The following RHOF variants were observed in gnomAD, a reference collection of about 807,000 sequenced individuals.
RHOF encodes rho-related GTP-binding protein RhoF.
In RHOF, 21 loss-of-function variants were observed where a neutral mutation model predicts 22.2. That is an observed-to-expected ratio of 0.95 (90% CI 0.67 to 1.36). The LOEUF is 1.36. RHOF is among the 40% of genes most tolerant of loss of function. RHOF has a pLI of 0.00. For synonymous variants in RHOF, 135 were observed against 131.2 expected (o/e 1.03, Z -0.20); for missense variants, 285 against 293.7 (o/e 0.97, Z 0.22).
chr12:121,785,642 ACT>A (rs1874588240), intron 2 of RHOF, among the ~76,000 whole-genome samples: 1 of 137,508 alleles, frequency 7.3e-6, no homozygotes, highest in Non-Finnish European at 1.6e-5. Context: ...ACGGAGTCTC[ACT>A]CTGTCACCCA....
intron 2 of RHOF, among the ~76,000 whole-genome samples, chr12:121,785,161 A>T (rs1049027897): frequency 6.6e-6 from 1 of 152,102 alleles, no homozygotes; most frequent in African/African-American, 2.4e-5. Context: ...CTACTGACTG[A>T]CTCACAGGCA....
intron 2 of RHOF, among the ~76,000 whole-genome samples, chr12:121,786,073 G>A (rs992195267): frequency 1.3e-5 from 2 of 149,232 alleles, no homozygotes; most frequent in Admixed American, 6.8e-5. Context: ...CCACCACCAC[G>A]CCCGGCTAAT....
chr12:121,782,721 C>G (rs1201034020), intron 2 of RHOF: 2 of 152,336 alleles, frequency 1.3e-5, no homozygotes, highest in Non-Finnish European at 2.9e-5. Flanking sequence ...CTTCAGCCAG[C>G]TCCCCCATGG....
intron 2 of RHOF, among the ~76,000 whole-genome samples, chr12:121,788,118 C>G (rs1874660057): frequency 6.6e-6 from 1 of 152,260 alleles, no homozygotes; most frequent in African/African-American, 2.4e-5. Context: ...CCCAAAAGCC[C>G]TACAAGGTAG....
chr12:121,786,992 C>A (rs954775745), intron 2 of RHOF, among the ~76,000 whole-genome samples: 1 of 152,100 alleles, frequency 6.6e-6, no homozygotes, highest in African/African-American at 2.4e-5. Context: ...GAGCTGAGAT[C>A]GTGCCATTTC....
intron 4 of RHOF, chr12:121,779,882 C>G (rs1044313377): frequency 9.1e-6 from 5 of 550,986 alleles, no homozygotes; most frequent in Non-Finnish European, 1.6e-5. Context: ...TCCAGGCCCC[C>G]ACCCTGGCCT....
intron 2 of RHOF, among the ~76,000 whole-genome samples, chr12:121,784,929 A>G (rs568915838): frequency 6.6e-6 from 1 of 152,222 alleles, no homozygotes; most frequent in Non-Finnish European, 1.5e-5. Flanking sequence ...GTTTGAAACC[A>G]CAGTCTAGAA....
chr12:121,790,660 C>T (rs1362864364), intron 2 of RHOF, among the ~76,000 whole-genome samples: 1 of 152,192 alleles, frequency 6.6e-6, no homozygotes, highest in Non-Finnish European at 1.5e-5. Flanking sequence ...ATCTCTTCTC[C>T]CTGGGTGCCC....
intron 2 of RHOF, among the ~76,000 whole-genome samples, chr12:121,787,909 AGGGG>A (rs60048337): frequency 2.0e-5 from 1 of 48,846 alleles, no homozygotes; most frequent in African/African-American, 9.6e-5. Context: ...AAAAAAAAAA[AGGGG>A]GGGGGGGCGG....
intron 1 of RHOF, 77 bp from the exon 2 acceptor site, chr12:121,793,316 C>T (rs1428095279): frequency 3.4e-6 from 5 of 1,459,144 alleles, no homozygotes; most frequent in Non-Finnish European, 4.7e-6. Flanking sequence ...ACTGTCCACC[C>T]CCCTCACTCG....
In RHOF at chr12:121,779,584, C is replaced by T. The variant is rs750750537; in HGVS notation, c.550G>A (p.Val184Ile). Reference sequence around the variant, plus strand: ...GCCACCTTGGCGGCCTCCCGGAAGACGTCCTCCACATTCTCCCGAAACTTG... The same window carrying T: ...GCCACCTTGGCGGCCTCCCGGAAGATGTCCTCCACATTCTCCCGAAACTTG... ...SAKFRENVEDVFREAAKVALS... is the reference protein window; with the variant it reads ...SAKFRENVEDIFREAAKVALS... Residue 184 changes from valine (V) to isoleucine (I), a missense_variant, in exon 5 of 5, where the codon GTC (valine) becomes ATC (isoleucine). Val to Ile is a conservative substitution (Grantham distance 29). Transcript: ENST00000267205. The T allele has an allele frequency of 5.0e-6, 8 of 1,614,102 alleles. No individual in the cohort carries two copies. The Admixed American group carries it at 5.0e-5, about 10-fold the overall frequency.
Position 121,778,066 on chromosome 12 carries a change from T to TC in RHOF, c.*1431dup, listed in dbSNP as rs1409547718. The TC allele has an allele frequency of 6.6e-6, 1 of 152,060 alleles. No homozygotes were observed. Among genetic ancestry groups the TC allele is most frequent in the Non-Finnish European group, 1.5e-5 (1 of 68,020 alleles). The allele number at this position is 152,060 out of a possible 1,614,324, so 9.4% of individuals were successfully genotyped here. A position where few individuals can be genotyped will look rare whatever the true frequency, so the allele number is the denominator to read the frequency against. ...GGCTAGGAGTTGCCTGAAGCCATTA[T>TC]CCCATCTTAGGCGACACCGACTCCT... On this transcript the variant is annotated 3_prime_UTR_variant, in exon 5 of 5. Transcript: ENST00000267205.
At chr12:121,781,335 C>G in intron 2 of RHOF, 143 bp from the exon 3 acceptor site, 1 of 690,854 alleles carries the variant, frequency 1.4e-6, no homozygotes, top group East Asian at 2.7e-5. Flanking sequence ...GCCAGGAGTG[C>G]TGGCACAGGC....
chr12:121,781,081 A>G lies in RHOF; in HGVS notation c.336+2T>C. 6.2e-7 allele frequency: 1 copy of G among 1,614,182 alleles called. No homozygotes were observed. The highest frequency in any genetic ancestry group is 8.5e-7 in the Non-Finnish European group (1 of 1,180,012). On this transcript the variant is annotated splice_donor_variant, in intron 3 of 4. Coordinates refer to ENST00000267205, the MANE Select transcript of RHOF (RefSeq NM_019034.3). LOFTEE classifies it high-confidence loss of function. Reference sequence around the variant, plus strand: ...GGCCACCACCCAGGAGGCCGGCCTCACCTTGATGAGGACGTTGTCGTAGCT... The same window carrying G: ...GGCCACCACCCAGGAGGCCGGCCTCGCCTTGATGAGGACGTTGTCGTAGCT...
chr12:121,790,788 T>C (rs1168669), intron 2 of RHOF, among the ~76,000 whole-genome samples: 119,217 of 152,174 alleles, frequency 0.78, 47,300 homozygotes, highest in East Asian at 0.98. Flanking sequence ...GGTCTGGGGG[T>C]CAGCTTGGGG....
intron 2 of RHOF, among the ~76,000 whole-genome samples, chr12:121,788,401 A>G (rs898735483): frequency 1.3e-4 from 20 of 150,668 alleles, no homozygotes; most frequent in African/African-American, 4.9e-4. Context: ...CACCTCCTCC[A>G]GGTTGCCTTC....
chr12:121,787,431 C>T (rs909724166), intron 2 of RHOF, among the ~76,000 whole-genome samples: 1 of 152,208 alleles, frequency 6.6e-6, no homozygotes, highest in Admixed American at 6.5e-5. Flanking sequence ...CAGCTGCCTG[C>T]CAGGCCATTC....
chr12:121,787,182 G>C (rs1394921566), intron 2 of RHOF, among the ~76,000 whole-genome samples: 1 of 152,220 alleles, frequency 6.6e-6, no homozygotes, highest in Non-Finnish European at 1.5e-5. Context: ...GTTTGGTGAA[G>C]GAAGGCTCAA....
Position 121,781,137 on chromosome 12 carries a change from C to T in RHOF, c.282G>A (p.Val94=), listed in dbSNP as rs1354252320. Residue 94 remains valine, a synonymous_variant, in exon 3 of 5, where the codon GTG becomes GTA. Transcript: ENST00000267205. ...RPLSYQNTHL[V]LICYDVMNPT... ...GATTCATGACGTCATAGCAGATGAG[C>T]ACGAGGTGGGTGTTCTGGTAGGACA... The T allele has an allele frequency of 2.5e-6, 4 of 1,614,094 alleles. No homozygotes were observed. In the Admixed American group the frequency reaches 5.0e-5, roughly 20 times the overall value.
Sources: allele counts gnomAD v4.1 joint callset (sites outside exome capture counted in the v4.1 genomes callset), GRCh38; gene constraint gnomAD v4.1.1; transcripts MANE v1.5; gene names NCBI Gene and HGNC (gene_info 2026-07-23, HGNC 2026-07-21).